Variants in KCNN4 observed in about 807,000 individuals in gnomAD.
KCNN4 encodes intermediate conductance calcium-activated potassium channel protein 4.
In KCNN4, 31 loss-of-function variants were observed where a neutral mutation model predicts 45.2. That is an observed-to-expected ratio of 0.69 (90% confidence interval 0.52 to 0.92). KCNN4 has a LOEUF of 0.92. Among genes scored for constraint, KCNN4 ranks in the 40% least tolerant of loss-of-function variants. The probability of loss-of-function intolerance (pLI) is 0.00; values close to 1 mark genes in which losing one functional copy is unlikely to be tolerated. For missense variants in KCNN4, 463 were observed against 574.0 expected (o/e 0.81, Z 1.98); for synonymous variants, 231 against 254.6 (o/e 0.91, Z 0.88).
chr19:43,769,152 C>T lies in KCNN4; in HGVS notation c.1050-120G>A, dbSNP rs576067834. 4.3e-4 allele frequency: 503 copies of T among 1,157,796 alleles called. 8 individuals are homozygous for T. In the South Asian group the frequency reaches 4.9e-3, roughly 11 times the overall value. The allele number at this position is 1,157,796 out of a possible 1,614,324, so 71.7% of individuals were successfully genotyped here. ...AAACAAAACAAAGAAACAAAGTTGT[C>T]GAAGAGCTGAAAGAGTGGGAGGGGA... On this transcript the variant is annotated intron_variant, in intron 6 of 8. Transcript: ENST00000648319. This position sits in a 1 kb window ranked among gnomAD's most constrained non-coding sequence, Gnocchi z 4.4.
In KCNN4 at chr19:43,774,549, A is replaced by G. The variant is rs201820319; in HGVS notation, c.326T>C (p.Val109Ala). The change falls in exon 3 of 9, where the codon GTG (valine) becomes GCG (alanine). Residue 109 changes from valine to alanine, a missense_variant. This residue lies in a region of KCNN4 where 225 missense variants were observed against 240.9 expected (regional missense o/e 0.93). Transcript: ENST00000648319. This position sits in a 1 kb window ranked among gnomAD's most constrained non-coding sequence, Gnocchi z 5.6. Reference protein sequence around the residue: ...ALTGRQAAQIVLELVVCGLHP... With the variant: ...ALTGRQAAQIALELVVCGLHP... ...CAGCCCACACACCACCAGCTCCAGC[A>G]CGATCTGCGCCGCCTGCCGCCCGGT... 5 of 1,579,994 alleles carry G rather than the reference A, an allele frequency of 3.2e-6. No homozygotes were observed. Among genetic ancestry groups the G allele is most frequent in the Non-Finnish European group, 4.3e-6 (5 of 1,169,670 alleles).
chr19:43,770,432 C>T (rs1287406111), intron 4 of KCNN4, among the ~76,000 whole-genome samples: 2 of 152,186 alleles, frequency 1.3e-5, no homozygotes, highest in African/African-American at 4.8e-5. Flanking sequence ...TCCCTTCCTT[C>T]TCCCAATGCT....
Position 43,780,487 on chromosome 19 carries a change from T to TCCAAGTCC in KCNN4, c.159+215_159+216insGGACTTGG, listed in dbSNP as rs1256273777. Among the ~76,000 whole-genome samples the TCCAAGTCC allele has an allele frequency of 4.9e-4, 44 of 90,592 alleles. 2 individuals are homozygous for TCCAAGTCC. Among genetic ancestry groups the TCCAAGTCC allele is most frequent in the African/African-American group, 1.7e-3 (37 of 22,364 alleles). The allele number at this position is 90,592 out of a possible 152,430, so 59.4% of individuals were successfully genotyped here. Reference sequence around the variant, plus strand: ...GCCCCTCCTCCCTCAGACCCAGGAGTCCAGGCCCTCAGTCCCTCCTCCCTC... The same window carrying TCCAAGTCC: ...GCCCCTCCTCCCTCAGACCCAGGAGTCCAAGTCCCCAGGCCCTCAGTCCCTCCTCCCTC... On this transcript the variant is annotated intron_variant, in intron 1 of 8. Coordinates refer to ENST00000648319, the MANE Select transcript of KCNN4 (RefSeq NM_002250.3).
chr19:43,780,185 G>A (rs1488421473), intron 1 of KCNN4, among the ~76,000 whole-genome samples: 1 of 151,982 alleles, frequency 6.6e-6, no homozygotes, highest in Non-Finnish European at 1.5e-5. Flanking sequence ...GGCCTCCAGG[G>A]GTCCTGGACC....
At chr19:43,767,806 G>T in intron 7 of KCNN4, 99 bp from the exon 8 acceptor site, 4 of 1,386,510 alleles carry the variant, frequency 2.9e-6, no homozygotes, top group Non-Finnish European at 4.0e-6. Flanking sequence ...ACATCCTTAT[G>T]GTCCTCTGAG....
chr19:43,767,824 C>T (rs1384529484), intron 7 of KCNN4, 117 bp from the exon 8 acceptor site: 1 of 1,269,102 alleles, frequency 7.9e-7, no homozygotes, highest in Non-Finnish European at 1.1e-6. Flanking sequence ...GAGGATTACC[C>T]TCGACAATAA....
chr19:43,767,317 A>G (rs984961920), intron 8 of KCNN4: 38 of 557,322 alleles, frequency 6.8e-5, no homozygotes, highest in Non-Finnish European at 1.2e-4. Flanking sequence ...CCAAGCAAAG[A>G]GGGAGAAGGC....
chr19:43,780,894 C>T lies in KCNN4; in HGVS notation c.-33G>A, dbSNP rs1270979395. ...GGGGTCTTGGGGCTCAGCCAGCTTC[C>T]TGCCCAGGGTCCCCCACCTCGCAGC... On this transcript the variant is annotated 5_prime_UTR_variant, in exon 1 of 9. Transcript: ENST00000648319. The T allele has an allele frequency of 1.2e-6, 2 of 1,610,194 alleles. 1 individual carries two copies. Among genetic ancestry groups the T allele is most frequent in the Middle Eastern group, 3.4e-4 (2 of 5,952 alleles).
chr19:43,767,928 G>C (rs1333127982), intron 7 of KCNN4, among the ~76,000 whole-genome samples: 3 of 152,200 alleles, frequency 2.0e-5, no homozygotes, highest in Non-Finnish European at 4.4e-5. Flanking sequence ...CACAGGGAGT[G>C]GGAATCCTGT....
chr19:43,777,321 GT>G (rs1049544249), intron 1 of KCNN4, among the ~76,000 whole-genome samples: 6 of 146,922 alleles, frequency 4.1e-5, no homozygotes, highest in African/African-American at 1.5e-4. Context: ...GTGTGTGTGT[GT>G]GTGGGTGTGT....
At chr19:43,777,826 G>C (rs970940938) in intron 1 of KCNN4, among the ~76,000 whole-genome samples, 1 of 152,112 alleles carries the variant, frequency 6.6e-6, no homozygotes, top group Non-Finnish European at 1.5e-5. Context: ...CCACCTGGGC[G>C]TCCTTACAAA....
intron 1 of KCNN4, chr19:43,776,875 A>G (rs1969822465): frequency 4.4e-6 from 2 of 455,018 alleles, no homozygotes; most frequent in Non-Finnish European, 8.0e-6. Context: ...AGGCAGGTGG[A>G]TCACCGAAGG....
Position 43,769,442 on chromosome 19 carries a change from G to C in KCNN4, c.1049C>G (p.Ala350Gly), listed in dbSNP as rs149503455. The C allele has an allele frequency of 1.2e-6, 2 of 1,612,534 alleles. No homozygotes were observed. The highest frequency in any genetic ancestry group is 2.7e-5 in the African/African-American group (2 of 74,908). The change falls in exon 6 of 9, where the codon GCG (alanine) becomes GGG (glycine). Residue 350 changes from alanine (A) to glycine (G), a missense_variant and splice_region_variant. Ala to Gly is a moderately conservative substitution (Grantham distance 60). Around this residue, in one of 3 missense-constraint regions of KCNN4, gnomAD observed 129 missense variants for 149.4 expected, o/e 0.86. Coordinates refer to ENST00000648319, the MANE Select transcript of KCNN4 (RefSeq NM_002250.3). The surrounding 1 kb of genome is among the most constrained non-coding windows in gnomAD (Gnocchi z 4.4). Reference sequence around the variant, plus strand: ...CGTGTGCATACAAAGCGGCCCTCACGCGTTGATGGCGGCCAGCAGCTTGCG... The same window carrying C: ...CGTGTGCATACAAAGCGGCCCTCACCCGTTGATGGCGGCCAGCAGCTTGCG... Reference protein sequence around the residue: ...HQRKLLAAINAFRQVRLKHRK... With the variant: ...HQRKLLAAINGFRQVRLKHRK...
intron 1 of KCNN4, 80 bp from the exon 2 acceptor site, chr19:43,776,716 C>T (rs1969816776): frequency 1.1e-6 from 1 of 907,252 alleles, no homozygotes; most frequent in Non-Finnish European, 1.8e-6. Context: ...TCAAAACCAC[C>T]ATTTTTTTTT....
At position 43,780,810 on chromosome 19, in the gene KCNN4, A is replaced by AGC; in HGVS notation, c.50_51dup (p.Leu18AlafsTer72). On this transcript the variant is annotated frameshift_variant, in exon 1 of 9. Transcript: ENST00000648319. LOFTEE classifies it high-confidence loss of function. ...GCCAGAGACTTCTCCTGCTCCAGCA[A>AGC]GCGCTTTCGGCGTCTCAAGGCCCCC... 1 of 1,613,958 alleles carries AGC rather than the reference A, an allele frequency of 6.2e-7. No individual in the cohort carries two copies. Among genetic ancestry groups the AGC allele is most frequent in the Non-Finnish European group, 8.5e-7 (1 of 1,179,946 alleles).
At chr19:43,767,340 G>A (rs1256367766) in intron 8 of KCNN4, 200 bp downstream of exon 8, 1 of 620,526 alleles carries the variant, frequency 1.6e-6, no homozygotes, top group East Asian at 2.8e-5. Context: ...TCAAGGGTCA[G>A]TGAAGGGGAG....
chr19:43,768,328 C>T (rs968781214), intron 7 of KCNN4, among the ~76,000 whole-genome samples: 1 of 152,196 alleles, frequency 6.6e-6, no homozygotes, highest in African/African-American at 2.4e-5. Context: ...CGTGGGCTAA[C>T]GAGAAAAAGC....
Position 43,772,923 on chromosome 19 carries a change from A to G in KCNN4, c.684-788T>C, listed in dbSNP as rs943910521. On this transcript the variant is annotated intron_variant, in intron 3 of 8. Coordinates refer to ENST00000648319, the MANE Select transcript of KCNN4 (RefSeq NM_002250.3). This position sits in a 1 kb window ranked among gnomAD's most constrained non-coding sequence, Gnocchi z 4.4. ...TTCCTCCCCATTCTCCCATCATTCAATTGAGAAACATGGTGGGGGGATCAT... is the reference window on the plus strand; with the variant it reads ...TTCCTCCCCATTCTCCCATCATTCAGTTGAGAAACATGGTGGGGGGATCAT... Among the ~76,000 whole-genome samples, 2 of 152,222 alleles carry G rather than the reference A, an allele frequency of 1.3e-5. No individual in the cohort carries two copies. The highest frequency in any genetic ancestry group is 4.8e-5 in the African/African-American group (2 of 41,446).
At position 43,774,168 on chromosome 19, in the gene KCNN4, C is replaced by T; in HGVS notation, c.683+24G>A. The T allele has an allele frequency of 6.3e-7, 1 of 1,594,204 alleles. No individual in the cohort carries two copies. Among genetic ancestry groups the T allele is most frequent in the Non-Finnish European group, 8.6e-7 (1 of 1,167,708 alleles). On this transcript the variant is annotated intron_variant, in intron 3 of 8. Coordinates refer to ENST00000648319, the MANE Select transcript of KCNN4 (RefSeq NM_002250.3). This position sits in a 1 kb window ranked among gnomAD's most constrained non-coding sequence, Gnocchi z 5.6. Reference sequence around the variant, plus strand: ...TGGCTGTCCGGGGTTCCCCCCTGCGCATTTATGCCTCCATCACCCTCACCT... The same window carrying T: ...TGGCTGTCCGGGGTTCCCCCCTGCGTATTTATGCCTCCATCACCCTCACCT...
Sources: allele counts gnomAD v4.1 joint callset (sites outside exome capture counted in the v4.1 genomes callset), GRCh38; gene constraint gnomAD v4.1.1; regional missense constraint gnomAD v4.1.1; non-coding constraint Gnocchi (gnomAD v3.1); transcripts MANE v1.5; gene names NCBI Gene and HGNC (gene_info 2026-07-23, HGNC 2026-07-21).